Variants in CDH9 observed in about 807,000 individuals in gnomAD.
The protein encoded by CDH9 is cadherin-9.
Under a neutral mutation model 70.9 loss-of-function variants are expected in CDH9, and 28 were observed. That is an observed-to-expected ratio of 0.40 (90% CI 0.29 to 0.54). CDH9 has a LOEUF of 0.54. Among genes scored for constraint, CDH9 ranks in the 20% least tolerant of loss-of-function variants. The pLI is 0.59. For missense variants in CDH9, 874 were observed against 984.4 expected (o/e 0.89, Z 1.50); for synonymous variants, 409 against 343.1 (o/e 1.19, Z -2.12).
chr5:27,001,872 TC>T (rs1456145154), intron 1 of CDH9, among the ~76,000 whole-genome samples: 5 of 151,362 alleles, frequency 3.3e-5, no homozygotes, highest in Non-Finnish European at 7.4e-5. Flanking sequence ...TCTCTCTCTC[TC>T]TCTCAACAAA....
chr5:26,975,081 C>A (rs1742282889), intron 2 of CDH9, among the ~76,000 whole-genome samples: 2 of 152,118 alleles, frequency 1.3e-5, no homozygotes, highest in East Asian at 1.9e-4. Flanking sequence ...CCTTTGACAT[C>A]TGCCCTCACT....
intron 1 of CDH9, among the ~76,000 whole-genome samples, chr5:27,012,139 C>T (rs547159912): frequency 3.0e-4 from 46 of 152,026 alleles, no homozygotes; most frequent in Non-Finnish European, 5.7e-4. Flanking sequence ...TAAAATGGTA[C>T]ATTTTCAGCA....
chr5:27,033,299 T>C (rs1490931198), intron 1 of CDH9, among the ~76,000 whole-genome samples: 3 of 151,504 alleles, frequency 2.0e-5, no homozygotes, highest in Non-Finnish European at 4.4e-5. Flanking sequence ...TTAATTTATG[T>C]GAACATTGAA....
At chr5:27,007,651 C>A (rs1742888607) in intron 1 of CDH9, among the ~76,000 whole-genome samples, 1 of 151,818 alleles carries the variant, frequency 6.6e-6, no homozygotes, top group Admixed American at 6.6e-5. Context: ...TTAAAATAGA[C>A]CTATGAAATA....
intron 2 of CDH9, among the ~76,000 whole-genome samples, chr5:26,920,217 C>T (rs532448312): frequency 5.3e-5 from 8 of 151,786 alleles, no homozygotes; most frequent in East Asian, 2.0e-4. Flanking sequence ...TGAACATTGG[C>T]GGTAGCTAGG....
intron 2 of CDH9, among the ~76,000 whole-genome samples, chr5:26,951,035 T>G (rs1318939105): frequency 6.6e-6 from 1 of 152,098 alleles, no homozygotes; most frequent in Admixed American, 6.5e-5. Context: ...GGCTCGCGCC[T>G]GTAATCCCAG....
At chr5:26,933,061 A>T (rs1426436905) in intron 2 of CDH9, among the ~76,000 whole-genome samples, 1 of 147,420 alleles carries the variant, frequency 6.8e-6, no homozygotes, top group African/African-American at 2.5e-5. Context: ...ATATAAATAT[A>T]ATTCTATTTA....
intron 1 of CDH9, among the ~76,000 whole-genome samples, chr5:27,028,952 G>A (rs1046735268): frequency 5.3e-5 from 8 of 151,756 alleles, no homozygotes; most frequent in South Asian, 2.1e-4. Context: ...TGTTGGCCAC[G>A]TGAACAACTA....
At chr5:27,006,434 G>A (rs760903862) in intron 1 of CDH9, among the ~76,000 whole-genome samples, 7 of 152,062 alleles carry the variant, frequency 4.6e-5, no homozygotes, top group Admixed American at 2.0e-4. Context: ...GGTAGGAGGA[G>A]AGGAGTTCTA....
intron 1 of CDH9, among the ~76,000 whole-genome samples, chr5:26,999,374 T>A (rs1742724900): frequency 6.6e-6 from 1 of 152,244 alleles, no homozygotes; most frequent in Non-Finnish European, 1.5e-5. Flanking sequence ...GTTAAGCAGA[T>A]ACTCTTATTC....
intron 2 of CDH9, among the ~76,000 whole-genome samples, chr5:26,936,863 G>GCACA (rs4052340): frequency 2.5e-5 from 3 of 120,158 alleles, no homozygotes; most frequent in African/African-American, 5.3e-5. Flanking sequence ...ACACACACAC[G>GCACA]CACACACACA....
chr5:26,893,074 C>T (rs565671555), intron 7 of CDH9, among the ~76,000 whole-genome samples: 36 of 152,192 alleles, frequency 2.4e-4, no homozygotes, highest in African/African-American at 8.4e-4. Context: ...CATACATTAA[C>T]CTAAATTGTA....
At chr5:27,033,633 A>G (rs990253545) in intron 1 of CDH9, among the ~76,000 whole-genome samples, 1 of 151,552 alleles carries the variant, frequency 6.6e-6, no homozygotes, top group South Asian at 2.1e-4. Flanking sequence ...TAAAATTTAA[A>G]AAAAACAAAA....
intron 1 of CDH9, among the ~76,000 whole-genome samples, chr5:27,007,049 T>C (rs190876041): frequency 2.8e-4 from 42 of 152,300 alleles, no homozygotes; most frequent in African/African-American, 9.9e-4. Context: ...AGCAAGTTTT[T>C]AATCAGCAGA....
chr5:26,905,925 T>G (rs375410885), intron 5 of CDH9, 34 bp downstream of exon 5: 1 of 1,565,754 alleles, frequency 6.4e-7, no homozygotes, highest in Non-Finnish European at 8.8e-7. Flanking sequence ...ATTTGAGAAG[T>G]TTTTGGACAT....
At chr5:27,024,221 T>C (rs995433469) in intron 1 of CDH9, among the ~76,000 whole-genome samples, 3 of 152,064 alleles carry the variant, frequency 2.0e-5, no homozygotes, top group Non-Finnish European at 4.4e-5. Context: ...CTCTCATAAA[T>C]AGAGATTTTT....
chr5:26,972,676 C>T (rs1277348954), intron 2 of CDH9, among the ~76,000 whole-genome samples: 3 of 152,104 alleles, frequency 2.0e-5, no homozygotes, highest in African/African-American at 7.2e-5. Context: ...TGCTTTTCAG[C>T]GGTCCTGTGA....
chr5:26,885,362 C>T (rs778625572), intron 11 of CDH9, among the ~76,000 whole-genome samples: 1 of 152,062 alleles, frequency 6.6e-6, no homozygotes, highest in African/African-American at 2.4e-5. Context: ...ATAGCTAATG[C>T]TATAAAGTAT....
At chr5:26,965,693 T>C (rs1179957356) in intron 2 of CDH9, among the ~76,000 whole-genome samples, 1 of 151,848 alleles carries the variant, frequency 6.6e-6, no homozygotes, top group Non-Finnish European at 1.5e-5. Context: ...TTAATTATTT[T>C]AGCCTAATTA....
Sources: allele counts gnomAD v4.1 joint callset (sites outside exome capture counted in the v4.1 genomes callset), GRCh38; gene constraint gnomAD v4.1.1; transcripts MANE v1.5; gene names NCBI Gene and HGNC (gene_info 2026-07-23, HGNC 2026-07-21).